NR6A1: variants seen among roughly 807,000 people sequenced by gnomAD.
NR6A1 encodes the protein retinoic acid receptor-related testis-associated receptor.
In NR6A1, 7 loss-of-function variants were observed where a neutral mutation model predicts 59.1. The observed-to-expected ratio is 0.12, with a 90% CI of 0.07 to 0.22. The LOEUF (loss-of-function observed/expected upper bound fraction) is 0.22. Ranked by LOEUF, NR6A1 falls within the 10% of genes least tolerant of loss-of-function variation. NR6A1 has a pLI of 1.00. For synonymous variants in NR6A1, 243 were observed against 236.1 expected, an observed-to-expected ratio of 1.03 and a Z score of -0.27; for missense variants, 468 against 611.6, an observed-to-expected ratio of 0.77 and a Z score of 2.48.
chr9:124,555,369 C>T (rs1040269291), intron 2 of NR6A1, among the ~76,000 whole-genome samples: 45 of 152,102 alleles, frequency 3.0e-4, no homozygotes, highest in Non-Finnish European at 2.4e-4. Context: ...CAAGAAATCA[C>T]CAGGGAAGGT....
intron 2 of NR6A1, among the ~76,000 whole-genome samples, chr9:124,571,630 G>A (rs1834439412): frequency 6.6e-6 from 1 of 152,156 alleles, no homozygotes; most frequent in Non-Finnish European, 1.5e-5. Flanking sequence ...GGATGAGAGT[G>A]AGCTGTGAGG....
At chr9:124,614,056 T>C (rs990733801) in intron 2 of NR6A1, among the ~76,000 whole-genome samples, 14 of 152,106 alleles carry the variant, frequency 9.2e-5, no homozygotes, top group Admixed American at 2.6e-4. Context: ...ACCGAAGCCC[T>C]GAGTTTCCAG....
chr9:124,695,985 G>A (rs541603080), intron 2 of NR6A1, among the ~76,000 whole-genome samples: 1 of 152,126 alleles, frequency 6.6e-6, no homozygotes, highest in Non-Finnish European at 1.5e-5. Flanking sequence ...AGACAATTAT[G>A]TAAGTTAAAG....
intron 2 of NR6A1, among the ~76,000 whole-genome samples, chr9:124,584,590 T>C (rs745370966): frequency 4.8e-4 from 73 of 152,208 alleles, no homozygotes; most frequent in Non-Finnish European, 9.1e-4. Flanking sequence ...TCAGTGATCT[T>C]TGATGTTAGT....
chr9:124,608,265 T>C (rs1432786779), intron 2 of NR6A1, among the ~76,000 whole-genome samples: 1 of 152,126 alleles, frequency 6.6e-6, no homozygotes, highest in African/African-American at 2.4e-5. Context: ...AAGCCCAGCA[T>C]ATCTTAGCTA....
intron 2 of NR6A1, among the ~76,000 whole-genome samples, chr9:124,689,065 CAACA>C: frequency 6.6e-6 from 1 of 152,196 alleles, no homozygotes; most frequent in African/African-American, 2.4e-5. Context: ...ACATACAATA[CAACA>C]GCTAGTCAGA....
At chr9:124,749,427 T>A (rs953180638) in intron 1 of NR6A1, among the ~76,000 whole-genome samples, 13 of 152,340 alleles carry the variant, frequency 8.5e-5, no homozygotes, top group African/African-American at 2.9e-4. Context: ...TAGGACCTTT[T>A]ACTAAGTCAT....
intron 1 of NR6A1, among the ~76,000 whole-genome samples, chr9:124,748,758 G>A (rs1211667881): frequency 1.3e-5 from 2 of 151,970 alleles, no homozygotes; most frequent in East Asian, 3.9e-4. Flanking sequence ...CCAGCTATTC[G>A]GGAGGCTGAG....
chr9:124,672,417 C>A (rs1049240662), intron 2 of NR6A1, among the ~76,000 whole-genome samples: 1 of 151,972 alleles, frequency 6.6e-6, no homozygotes. Context: ...GAGTTCTAGA[C>A]CAGCCTGGCC....
chr9:124,678,704 T>TC (rs1290664763), intron 2 of NR6A1, among the ~76,000 whole-genome samples: 1 of 152,188 alleles, frequency 6.6e-6, no homozygotes, highest in Non-Finnish European at 1.5e-5. Flanking sequence ...CTTCTAACAG[T>TC]CAAACTCTCT....
chr9:124,556,248 G>A (rs550935943), intron 2 of NR6A1, among the ~76,000 whole-genome samples: 30 of 152,242 alleles, frequency 2.0e-4, no homozygotes, highest in African/African-American at 7.2e-4. Flanking sequence ...GTAAGACAGA[G>A]GCAGAGGAAG....
rs1441477841 is a variant in NR6A1 at position 124,579,099 on chromosome 9, T to C, written c.143-24529A>G. Among the ~76,000 whole-genome samples the C allele has an allele frequency of 2.6e-5, 4 of 152,122 alleles. No individual in the cohort carries two copies. In the South Asian group the frequency reaches 6.2e-4, roughly 24 times the overall value. On this transcript the variant is annotated intron_variant, in intron 2 of 9. Coordinates refer to ENST00000487099, the MANE Select transcript of NR6A1 (RefSeq NM_033334.4). ...GAGTTCAAGACCAGCCTGGGCAACA[T>C]AGGGAGACTCCATCTCTACTGATAA...
At chr9:124,756,884 A>G (rs527439503) in intron 1 of NR6A1, among the ~76,000 whole-genome samples, 23 of 152,150 alleles carry the variant, frequency 1.5e-4, no homozygotes, top group Admixed American at 1.2e-3. Context: ...ACCCATATCT[A>G]TAAGAATTCG....
intron 1 of NR6A1, among the ~76,000 whole-genome samples, chr9:124,754,938 C>A (rs1007938507): frequency 6.6e-6 from 1 of 152,076 alleles, no homozygotes; most frequent in Non-Finnish European, 1.5e-5. Context: ...AGTATCTCCA[C>A]CCCCCTTCCA....
At chr9:124,763,409 T>A (rs1840836103) in intron 1 of NR6A1, among the ~76,000 whole-genome samples, 1 of 152,226 alleles carries the variant, frequency 6.6e-6, no homozygotes, top group Non-Finnish European at 1.5e-5. Flanking sequence ...GCAAATGATG[T>A]CTTAGCATTA....
At chr9:124,749,000 C>T (rs1486865514) in intron 1 of NR6A1, among the ~76,000 whole-genome samples, 1 of 150,234 alleles carries the variant, frequency 6.7e-6, no homozygotes, top group Non-Finnish European at 1.5e-5. Flanking sequence ...CGGTGGCTCA[C>T]GCCTGTAACC....
At chr9:124,662,021 A>G (rs1837452219) in intron 2 of NR6A1, among the ~76,000 whole-genome samples, 1 of 152,088 alleles carries the variant, frequency 6.6e-6, no homozygotes. Flanking sequence ...AAATACAATG[A>G]CAAGTATGAC....
intron 9 of NR6A1, 62 bp downstream of exon 9, chr9:124,524,659 C>G (rs1463148791): frequency 6.3e-7 from 1 of 1,577,328 alleles, no homozygotes; most frequent in Non-Finnish European, 8.6e-7. Context: ...CTGCTTGCCT[C>G]ATTCCCTTCA....
intron 2 of NR6A1, among the ~76,000 whole-genome samples, chr9:124,699,078 C>A (rs1838854986): frequency 2.0e-5 from 3 of 152,156 alleles, no homozygotes; most frequent in Admixed American, 2.0e-4. Context: ...AAGCCAGTCA[C>A]CCTGTTTAAG....
Sources: allele counts gnomAD v4.1 joint callset (sites outside exome capture counted in the v4.1 genomes callset), GRCh38; gene constraint gnomAD v4.1.1; transcripts MANE v1.5; gene names NCBI Gene and HGNC (gene_info 2026-07-23, HGNC 2026-07-21).